Variants in MYH10 observed in about 807,000 individuals in gnomAD.
MYH10 encodes myosin-10.
Under a neutral mutation model 257.8 loss-of-function variants are expected in MYH10, and 55 were observed. That is an observed-to-expected ratio of 0.21 (90% CI 0.17 to 0.27). MYH10 has a LOEUF of 0.27. Among genes scored for constraint, MYH10 ranks in the 10% least tolerant of loss-of-function variants. The pLI is 1.00. For missense variants in MYH10, 1,631 were observed against 2,500.6 expected (o/e 0.65, Z 7.42); for synonymous variants, 854 against 921.7 (o/e 0.93, Z 1.33).
chr17:8,585,156 G>C (rs1313172077), intron 4 of MYH10, among the ~76,000 whole-genome samples: 1 of 150,484 alleles, frequency 6.6e-6, no homozygotes, highest in African/African-American at 2.4e-5. Flanking sequence ...ATTTTCTTTT[G>C]GTCGTACTAC....
chr17:8,530,556 C>G (rs1176180446), intron 17 of MYH10, 67 bp downstream of exon 17: 3 of 1,128,570 alleles, frequency 2.7e-6, no homozygotes, highest in Non-Finnish European at 3.7e-6. Flanking sequence ...GCCAGTCCCC[C>G]CACACGTTTT....
At chr17:8,489,509 G>C (rs1915399152) in intron 35 of MYH10, among the ~76,000 whole-genome samples, 1 of 152,146 alleles carries the variant, frequency 6.6e-6, no homozygotes, top group Non-Finnish European at 1.5e-5. Flanking sequence ...TTTGAGACCA[G>C]CCTGGCCAAC....
intron 2 of MYH10, among the ~76,000 whole-genome samples, chr17:8,617,859 AC>A (rs1360616479): frequency 6.6e-6 from 1 of 152,202 alleles, no homozygotes; most frequent in African/African-American, 2.4e-5. Flanking sequence ...ATTATTAAGG[AC>A]CCCAAAGACC....
rs1913761416 is a variant in MYH10 at position 8,481,331 on chromosome 17, G to A, written c.5255C>T (p.Ala1752Val). 5 of 1,613,932 alleles carry A rather than the reference G, an allele frequency of 3.1e-6. No homozygotes were observed. The highest frequency in any genetic ancestry group is 4.2e-6 in the Non-Finnish European group (5 of 1,180,020). The part of the protein sequence containing the change: ...DELADEITNS[A>V]SGKSALLDEK... Reference sequence around the variant, plus strand: ...GCCGTGGGAGACTCACTTGCCAGAGGCGCTGTTGGTGATCTCGTCCGCCAG... The same window carrying A: ...GCCGTGGGAGACTCACTTGCCAGAGACGCTGTTGGTGATCTCGTCCGCCAG... Residue 1752 changes from alanine (A) to valine (V), a missense_variant, in exon 38 of 43, where the codon GCC (alanine) becomes GTC (valine). Physicochemically the swap from Ala to Val is moderately conservative, Grantham distance 64. Coordinates refer to ENST00000360416, the MANE Select transcript of MYH10 (RefSeq NM_001256012.3).
intron 30 of MYH10, among the ~76,000 whole-genome samples, chr17:8,498,762 A>G (rs971063371): frequency 1.3e-5 from 2 of 151,884 alleles, no homozygotes; most frequent in East Asian, 1.9e-4. Flanking sequence ...GCAGGAGAAT[A>G]GTGTGAACCC....
At chr17:8,611,785 T>C (rs1350935986) in intron 2 of MYH10, among the ~76,000 whole-genome samples, 1 of 152,084 alleles carries the variant, frequency 6.6e-6, no homozygotes, top group African/African-American at 2.4e-5. Context: ...ATCTGGAGCA[T>C]GTGAAGTATG....
At chr17:8,589,645 T>G (rs2084045092) in intron 3 of MYH10, among the ~76,000 whole-genome samples, 1 of 152,134 alleles carries the variant, frequency 6.6e-6, no homozygotes, top group Non-Finnish European at 1.5e-5. Flanking sequence ...TATTAAACAC[T>G]GAGTGGAAAG....
Position 8,531,512 on chromosome 17 carries a change from GAAAACTCT to G in MYH10, c.1895-835_1895-828del, listed in dbSNP as rs1269748244. On this transcript the variant is annotated intron_variant, in intron 16 of 42. Coordinates refer to ENST00000360416, the MANE Select transcript of MYH10 (RefSeq NM_001256012.3). The stretch of plus-strand genomic sequence containing the variant: ...CTTATTTCTCCTGGTTTGGCCTTGA[GAAAACTCT>G]AAAACTCTAACACAAACTCTACTTT... Among the ~76,000 whole-genome samples the G allele has an allele frequency of 3.3e-5, 5 of 151,204 alleles. No individual in the cohort carries two copies. In the East Asian group the frequency reaches 9.7e-4, roughly 29 times the overall value.
chr17:8,537,610 C>T (rs972225108), intron 14 of MYH10, among the ~76,000 whole-genome samples: 14 of 152,206 alleles, frequency 9.2e-5, no homozygotes, highest in African/African-American at 3.4e-4. Context: ...AATCACACAA[C>T]AACTGTGAGA....
intron 2 of MYH10, among the ~76,000 whole-genome samples, chr17:8,614,169 C>T (rs1465431422): frequency 1.3e-5 from 2 of 151,944 alleles, no homozygotes; most frequent in Non-Finnish European, 2.9e-5. Context: ...AATCACATAA[C>T]GAACCATAAA....
At chr17:8,573,209 G>A (rs970569461) in intron 6 of MYH10, among the ~76,000 whole-genome samples, 3 of 152,132 alleles carry the variant, frequency 2.0e-5, no homozygotes, top group Non-Finnish European at 2.9e-5. Context: ...GCATGAGTTC[G>A]AAATGGTTAA....
chr17:8,500,297 A>G (rs1479843356), intron 29 of MYH10, among the ~76,000 whole-genome samples: 6 of 152,190 alleles, frequency 3.9e-5, no homozygotes, highest in Admixed American at 3.9e-4. Context: ...CGTGAGTCAC[A>G]GGGCACATGA....
In MYH10 at chr17:8,504,948, C is replaced by T; in HGVS notation, c.3387-42G>A. ...GCGCAAGAGGCACTCAGAGATGGCA[C>T]CCGGATGGCCTGTTTCTCAGGCGAG... On this transcript the variant is annotated intron_variant, in intron 27 of 42. Transcript: ENST00000360416. This position sits in a 1 kb window ranked among gnomAD's most constrained non-coding sequence, Gnocchi z 5.6. The T allele has an allele frequency of 1.1e-5, 17 of 1,557,080 alleles. No homozygotes were observed. Among genetic ancestry groups the T allele is most frequent in the Non-Finnish European group, 1.5e-5 (17 of 1,129,724 alleles).
intron 17 of MYH10, chr17:8,521,509 C>A: frequency 1.8e-6 from 1 of 551,054 alleles, no homozygotes; most frequent in Admixed American, 3.1e-5. Flanking sequence ...TCCACACCAA[C>A]ACACACCAGC....
intron 1 of MYH10, 77 bp from the exon 2 acceptor site, chr17:8,623,354 T>G: frequency 7.3e-7 from 1 of 1,361,242 alleles, no homozygotes; most frequent in Non-Finnish European, 9.7e-7. Context: ...TCTAAGAAAC[T>G]TAAAACCTTA....
rs555327491 is a variant in MYH10, at chr17:8,545,789, C to T, written c.1279-189G>A. Among the ~76,000 whole-genome samples the T allele has an allele frequency of 4.6e-5, 7 of 152,214 alleles. No homozygotes were observed. The highest frequency in any genetic ancestry group is 7.2e-5 in the African/African-American group (3 of 41,540). On this transcript the variant is annotated intron_variant, in intron 12 of 42. Coordinates refer to ENST00000360416, the MANE Select transcript of MYH10 (RefSeq NM_001256012.3). The surrounding 1 kb of genome is among the most constrained non-coding windows in gnomAD (Gnocchi z 4.7). ...AGAATTAAATGAACACAGGGAATAACGAATTTGGGGGATGGGTAAAGACGC... is the reference window on the plus strand; with the variant it reads ...AGAATTAAATGAACACAGGGAATAATGAATTTGGGGGATGGGTAAAGACGC...
intron 21 of MYH10, 126 bp from the exon 22 acceptor site, chr17:8,514,020 A>C: frequency 2.4e-6 from 2 of 850,038 alleles, no homozygotes; most frequent in Non-Finnish European, 3.6e-6. Flanking sequence ...GCATCAATCA[A>C]GTCCTGGGTG....
rs755287271 is a variant in MYH10, at chr17:8,509,801, C to T, written c.3090+11G>A. On this transcript the variant is annotated intron_variant, in intron 25 of 42. Coordinates refer to ENST00000360416, the MANE Select transcript of MYH10 (RefSeq NM_001256012.3). ...AACTAAAATCAGCTTTTTGTGGGAA[C>T]ACTCTCTTACTTTGATGAACTTGGA... The T allele has an allele frequency of 2.5e-6, 4 of 1,588,580 alleles. No individual in the cohort carries two copies. The Admixed American group carries it at 5.5e-5, about 22-fold the overall frequency.
chr17:8,602,012 T>C (rs925392436), intron 3 of MYH10, among the ~76,000 whole-genome samples: 1 of 151,860 alleles, frequency 6.6e-6, no homozygotes, highest in African/African-American at 2.4e-5. Flanking sequence ...GTCTCGTTCT[T>C]TCGCCCAGGC....
Sources: gnomAD v4.1 joint callset for allele counts (sites outside exome capture counted in the v4.1 genomes callset) on GRCh38, gnomAD v4.1.1 for gene constraint, Gnocchi (gnomAD v3.1) non-coding constraint, MANE v1.5 for transcripts, NCBI Gene and HGNC (gene_info 2026-07-23, HGNC 2026-07-21) for gene names.